The following SETX variants were observed in gnomAD, a reference collection of about 807,000 sequenced individuals.
SETX encodes the protein helicase senataxin.
SETX carries 90 observed loss-of-function variants against 227.2 expected under a neutral mutation model. The observed-to-expected ratio is 0.40, with a 90% CI of 0.33 to 0.47. SETX has a LOEUF of 0.47. SETX is among the 20% of genes least tolerant of loss of function. The pLI is 0.91. For missense variants in SETX, 3,052 were observed against 3,181.5 expected (o/e 0.96, Z 0.98); for synonymous variants, 1,210 against 1,113.2 (o/e 1.09, Z -1.73).
intron 11 of SETX, among the ~76,000 whole-genome samples, chr9:132,310,129 A>C (rs1234273605): frequency 6.6e-6 from 1 of 152,196 alleles, no homozygotes; most frequent in Non-Finnish European, 1.5e-5. Flanking sequence ...GCACTTTCCA[A>C]AAGAGGTTAC....
At chr9:132,301,144 G>A (rs866638698) in intron 11 of SETX, among the ~76,000 whole-genome samples, 23 of 146,434 alleles carry the variant, frequency 1.6e-4, no homozygotes, top group African/African-American at 5.8e-4. Context: ...CCAGGCTGGA[G>A]TGCAGTGGCG....
At chr9:132,271,888 GTTT>G (rs375899109) in intron 23 of SETX, 80 bp from the exon 24 acceptor site, 2 of 1,074,192 alleles carry the variant, frequency 1.9e-6, no homozygotes, top group Non-Finnish European at 2.7e-6. Flanking sequence ...TAGTTTTTTG[GTTT>G]TTTTTTTTTG....
rs769138877 is a variant in SETX, at chr9:132,328,938, T to C, written c.2660A>G (p.Gln887Arg). The C allele has an allele frequency of 6.2e-7, 1 of 1,612,316 alleles. No homozygotes were observed. Among genetic ancestry groups the C allele is most frequent in the Middle Eastern group, 1.7e-4 (1 of 6,052 alleles). ...TTCTTTACCATCAACATGAAATTCC[T>C]GTATTTTACAATTGTTTTCATGGAA... The part of the protein sequence containing the change: ...FSFHENNCKI[Q>R]EFHVDGKELI... Residue 887 changes from glutamine (Q) to arginine (R), a missense_variant, in exon 10 of 26, where the codon CAG becomes CGG. Around this residue, in one of 10 missense-constraint regions of SETX, gnomAD observed 1,483 missense variants for 1,312.0 expected, o/e 1.13. Coordinates refer to ENST00000224140, the MANE Select transcript of SETX (RefSeq NM_015046.7).
intron 5 of SETX, among the ~76,000 whole-genome samples, chr9:132,336,794 T>C (rs947048716): frequency 7.2e-5 from 11 of 152,382 alleles, no homozygotes; most frequent in Middle Eastern, 3.4e-3. Context: ...CTGGGTGCAG[T>C]GGCTCACACC....
Position 132,300,679 on chromosome 9 carries a change from G to T in SETX, c.5499C>A (p.Leu1833=). 1.2e-6 allele frequency: 2 copies of T among 1,613,370 alleles called. 1 individual carries two copies. Among genetic ancestry groups the T allele is most frequent in the South Asian group, 2.2e-5 (2 of 91,062 alleles). The part of the protein sequence containing the change: ...KDTERNDIQD[L]HEYHSGYVHK... ...GAACATAACCAGAATGATATTCGTG[G>T]AGATCTTGTATGTCATTTCTCTCTG... Residue 1833 remains leucine, a synonymous_variant, in exon 12 of 26, where the codon CTC becomes CTA. Transcript: ENST00000224140.
Position 132,334,667 on chromosome 9 carries a change from G to A in SETX, c.779C>T (p.Ser260Leu), listed in dbSNP as rs780603696. 7.4e-6 allele frequency: 12 copies of A among 1,613,716 alleles called. No individual in the cohort carries two copies. Among genetic ancestry groups the A allele is most frequent in the Non-Finnish European group, 8.5e-7 (1 of 1,179,822 alleles). The change falls in exon 7 of 26, where the codon TCA becomes TTA. Residue 260 changes from serine to leucine, a missense_variant. Ser to Leu is a moderately radical substitution (Grantham distance 145). Coordinates refer to ENST00000224140, the MANE Select transcript of SETX (RefSeq NM_015046.7). ...EQAMDSLLLG[S>L]DKQNDFMQSI... ...TTGCATAAAATCATTTTGTTTGTCTGAGCCCAACAACAGGGAATCCATGGC... is the reference window on the plus strand; with the variant it reads ...TTGCATAAAATCATTTTGTTTGTCTAAGCCCAACAACAGGGAATCCATGGC...
intron 16 of SETX, 63 bp downstream of exon 16, chr9:132,288,487 C>T: frequency 1.4e-6 from 2 of 1,470,120 alleles, no homozygotes; most frequent in Non-Finnish European, 1.9e-6. Context: ...CCTTTAGTGC[C>T]CAAGTCATTT....
intron 10 of SETX, among the ~76,000 whole-genome samples, chr9:132,315,062 G>A (rs2131370607): frequency 6.6e-6 from 1 of 151,786 alleles, no homozygotes; most frequent in Middle Eastern, 3.4e-3. Flanking sequence ...ACAGGCACGT[G>A]CCACCACGCC....
chr9:132,348,105 T>C (rs1000484640), intron 3 of SETX, among the ~76,000 whole-genome samples: 3 of 149,838 alleles, frequency 2.0e-5, no homozygotes, highest in African/African-American at 7.4e-5. Context: ...ACAGCTGTAA[T>C]CCCAGCACTT....
chr9:132,289,873 G>A (rs1044248473), intron 15 of SETX, among the ~76,000 whole-genome samples: 25 of 151,962 alleles, frequency 1.6e-4, no homozygotes, highest in African/African-American at 5.8e-4. Flanking sequence ...TAATGTTTTT[G>A]TTTTTTTCTT....
intron 3 of SETX, among the ~76,000 whole-genome samples, chr9:132,347,514 G>C (rs570709991): frequency 6.6e-6 from 1 of 151,922 alleles, no homozygotes; most frequent in African/African-American, 2.4e-5. Context: ...CTTTCACCAT[G>C]ATGGCCAGGC....
chr9:132,276,625 C>G (rs1245736652), intron 22 of SETX, among the ~76,000 whole-genome samples: 1 of 152,192 alleles, frequency 6.6e-6, no homozygotes, highest in Non-Finnish European at 1.5e-5. Flanking sequence ...ATATACAGAC[C>G]ACCTGAACAC....
In SETX at chr9:132,271,679, G is replaced by A. The variant is rs1589610760; in HGVS notation, c.7199+31C>T. On this transcript the variant is annotated intron_variant, in intron 24 of 25. Transcript: ENST00000224140. ...TATAAACAAGCAACAATGTATACAA[G>A]TATAAAAGAGCAACAATGACAGTAA... is the stretch of plus-strand genomic sequence containing the variant. 2.0e-6 allele frequency: 3 copies of A among 1,529,256 alleles called. No individual in the cohort carries two copies. The East Asian group carries it at 6.8e-5, about 34-fold the overall frequency. The allele number at this position is 1,529,256 out of a possible 1,614,324, so 94.7% of individuals were successfully genotyped here.
intron 11 of SETX, among the ~76,000 whole-genome samples, chr9:132,308,432 A>T (rs1242400053): frequency 2.6e-5 from 4 of 151,488 alleles, no homozygotes; most frequent in Non-Finnish European, 5.9e-5. Flanking sequence ...TCAACAAAAA[A>T]ATTGCAAGGG....
rs1295136049 is a variant in SETX at position 132,319,603 on chromosome 9, AC to A, written c.5274+6720del. Among the ~76,000 whole-genome samples, 9 of 152,010 alleles carry A rather than the reference AC, an allele frequency of 5.9e-5. No homozygotes were observed. The East Asian group carries it at 1.7e-3, about 29-fold the overall frequency. On this transcript the variant is annotated intron_variant, in intron 10 of 25. Coordinates refer to ENST00000224140, the MANE Select transcript of SETX (RefSeq NM_015046.7). Reference sequence around the variant, plus strand: ...CATGGCATTACATTCTTGACATTCCACCCCACCTCCTGAACAATACTTTCTT... The same window carrying A: ...CATGGCATTACATTCTTGACATTCCACCCACCTCCTGAACAATACTTTCTT...
At chr9:132,347,985 G>GAA (rs779544482) in intron 3 of SETX, among the ~76,000 whole-genome samples, 19 of 151,230 alleles carry the variant, frequency 1.3e-4, no homozygotes, top group Admixed American at 6.6e-4. Context: ...ATCATGACTG[G>GAA]AAAATATGCT....
In SETX at chr9:132,264,227, C is replaced by A; in HGVS notation, c.*12G>T. The A allele has an allele frequency of 6.2e-7, 1 of 1,613,860 alleles. No individual in the cohort carries two copies. The highest frequency in any genetic ancestry group is 1.1e-5 in the South Asian group (1 of 91,084). On this transcript the variant is annotated 3_prime_UTR_variant, in exon 26 of 26. Transcript: ENST00000224140. ...ATATGCTGTGGCTGCTGGCCCATGT[C>A]ACTGGGCTTTCCTATAAAAGCTTTC...
Position 132,261,977 on chromosome 9 carries a change from T to C in SETX, c.*2262A>G, listed in dbSNP as rs997784. ...ACATCAGGAGGGGCCACGGTGAACA[T>C]AGGAAATGGCTTTGGCAAATACTTG... On this transcript the variant is annotated 3_prime_UTR_variant, in exon 26 of 26. Transcript: ENST00000224140. 0.096 allele frequency: 14,855 copies of C among 154,414 alleles called. 818 individuals are homozygous for C. Among genetic ancestry groups the C allele is most frequent in the Middle Eastern group, 0.21 (406 of 1,912 alleles). 9.6% of individuals were successfully genotyped at this position (154,414 alleles called of 1,614,324 possible).
intron 21 of SETX, 104 bp from the exon 22 acceptor site, chr9:132,277,256 A>T (rs1405574782): frequency 1.1e-6 from 1 of 888,594 alleles, no homozygotes; most frequent in East Asian, 2.6e-5. Context: ...GGGCTGGGGC[A>T]AGTAAGGGGA....
Sources: gnomAD v4.1 joint callset for allele counts (sites outside exome capture counted in the v4.1 genomes callset) on GRCh38, gnomAD v4.1.1 for gene constraint, gnomAD v4.1.1 regional missense constraint, MANE v1.5 for transcripts, NCBI Gene and HGNC (gene_info 2026-07-23, HGNC 2026-07-21) for gene names.